HPSE2: variants seen among roughly 807,000 people sequenced by gnomAD.
HPSE2 encodes heparanase 2 (inactive).
A neutral mutation model predicts 60.5 loss-of-function variants in HPSE2; 38 were observed. That is an observed-to-expected ratio of 0.63 (90% CI 0.48 to 0.82). The LOEUF is 0.82. Ranked by LOEUF, HPSE2 falls within the 40% of genes least tolerant of loss-of-function variation. The pLI is 0.00. For missense variants in HPSE2, 713 were observed against 740.4 expected, an observed-to-expected ratio of 0.96 and a Z score of 0.43; for synonymous variants, 295 against 293.2, an observed-to-expected ratio of 1.01 and a Z score of -0.06.
chr10:98,459,181 G>A lies in HPSE2; in HGVS notation c.*393C>T. The A allele has an allele frequency of 4.2e-6, 1 of 240,304 alleles. No homozygotes were observed. The highest frequency in any genetic ancestry group is 1.0e-4 in the East Asian group (1 of 10,046). 14.9% of individuals were successfully genotyped at this position (240,304 alleles called of 1,614,324 possible). ...TTTCCTTCCTCATCTTCCTCTGAGG[G>A]CAGCAGCAGCAGCAGGCTAAGGTTT... On this transcript the variant is annotated 3_prime_UTR_variant, in exon 12 of 12. Transcript: ENST00000370552.
At chr10:98,630,377 T>C (rs975903355) in intron 7 of HPSE2, among the ~76,000 whole-genome samples, 1 of 151,984 alleles carries the variant, frequency 6.6e-6, no homozygotes, top group African/African-American at 2.4e-5. Context: ...TTTTGTATTT[T>C]TAGTAGAGAC....
intron 3 of HPSE2, among the ~76,000 whole-genome samples, chr10:99,114,154 A>T (rs1020100670): frequency 6.6e-6 from 1 of 152,242 alleles, no homozygotes; most frequent in African/African-American, 2.4e-5. Context: ...GGTTATTAGC[A>T]AAACTTCCCC....
the HPSE2 span, among the ~76,000 whole-genome samples, chr10:99,252,015 C>T: frequency 2.3e-4 from 35 of 152,046 alleles, no homozygotes; most frequent in Non-Finnish European, 4.0e-4. Flanking sequence ...GCCTGGGAAA[C>T]AGAGTGAGAC....
chr10:98,491,691 A>G (rs987276153), intron 9 of HPSE2, among the ~76,000 whole-genome samples: 5 of 152,206 alleles, frequency 3.3e-5, no homozygotes, highest in Non-Finnish European at 5.9e-5. Context: ...TATTTTACAG[A>G]TATGAGAATG....
chr10:98,685,584 T>C (rs1947894264), intron 6 of HPSE2, among the ~76,000 whole-genome samples: 1 of 152,216 alleles, frequency 6.6e-6, no homozygotes, highest in Non-Finnish European at 1.5e-5. Context: ...CATTAGTTTA[T>C]TTCTTTATCT....
chr10:99,158,696 T>C (rs983359864), intron 2 of HPSE2, among the ~76,000 whole-genome samples: 2 of 149,268 alleles, frequency 1.3e-5, no homozygotes, highest in African/African-American at 4.9e-5. Context: ...TGTATACATA[T>C]GTAACTAACC....
At chr10:98,732,616 G>A (rs141457061) in intron 4 of HPSE2, among the ~76,000 whole-genome samples, 2,206 of 151,950 alleles carry the variant, frequency 0.015, 57 homozygotes, top group African/African-American at 0.05. Context: ...ACTTCACAAC[G>A]TTCACAAAAA....
intron 3 of HPSE2, among the ~76,000 whole-genome samples, chr10:98,766,829 A>G (rs1486423558): frequency 2.6e-5 from 4 of 151,916 alleles, no homozygotes; most frequent in East Asian, 3.9e-4. Flanking sequence ...GGAGACTGAG[A>G]TGGGAGGATC....
intron 2 of HPSE2, 91 bp downstream of exon 2, chr10:99,232,249 ACACACACG>A (rs1849676661): frequency 7.3e-7 from 1 of 1,362,038 alleles, no homozygotes; most frequent in African/African-American, 1.5e-5. Flanking sequence ...ACACACACAC[ACACACACG>A]AACACACAGA....
chr10:99,026,496 G>GGA (rs1175728506), intron 3 of HPSE2, among the ~76,000 whole-genome samples: 1 of 151,836 alleles, frequency 6.6e-6, no homozygotes, highest in East Asian at 1.9e-4. Context: ...AGAGGTAAAG[G>GGA]GAGAGAGAGT....
chr10:98,734,362 T>C (rs1048357969), intron 4 of HPSE2, among the ~76,000 whole-genome samples: 2 of 152,224 alleles, frequency 1.3e-5, no homozygotes, highest in African/African-American at 4.8e-5. Context: ...CTCTTGGATA[T>C]ATATCTAGAA....
intron 6 of HPSE2, among the ~76,000 whole-genome samples, chr10:98,683,817 A>C (rs748871937): frequency 3.9e-5 from 6 of 152,074 alleles, no homozygotes; most frequent in African/African-American, 1.2e-4. Context: ...TCAGATTGAC[A>C]GGGTCTAACC....
chr10:98,959,904 T>G (rs919908211), intron 3 of HPSE2, among the ~76,000 whole-genome samples: 8 of 152,158 alleles, frequency 5.3e-5, no homozygotes, highest in Admixed American at 5.2e-4. Flanking sequence ...TTCTCCTTTT[T>G]CTATTGCTAC....
chr10:98,698,867 A>C (rs183975052), intron 5 of HPSE2, among the ~76,000 whole-genome samples: 2,263 of 152,352 alleles, frequency 0.015, 26 homozygotes, highest in African/African-American at 0.029. Flanking sequence ...AAACACCTCT[A>C]CACAAATAAA....
chr10:99,178,931 T>C (rs1229604794), intron 2 of HPSE2, among the ~76,000 whole-genome samples: 1 of 152,214 alleles, frequency 6.6e-6, no homozygotes, highest in African/African-American at 2.4e-5. Context: ...ACGATCAAGT[T>C]GGCTTCATCC....
chr10:98,530,315 AGCATGCATAAAG>A (rs1943091930), intron 9 of HPSE2, among the ~76,000 whole-genome samples: 1 of 152,200 alleles, frequency 6.6e-6, no homozygotes, highest in African/African-American at 2.4e-5. Context: ...CTCAAACTTT[AGCATGCATAAAG>A]GATCACCCAG....
chr10:99,078,431 T>G (rs1275623393), intron 3 of HPSE2, among the ~76,000 whole-genome samples: 1 of 152,182 alleles, frequency 6.6e-6, no homozygotes, highest in Non-Finnish European at 1.5e-5. Context: ...AAATCATCTC[T>G]AGATTACTTA....
rs955406510 is a variant in HPSE2, at chr10:98,482,528, T to G, written c.1613+108A>C. The G allele has an allele frequency of 2.5e-5, 34 of 1,373,540 alleles. No individual in the cohort carries two copies. The South Asian group carries it at 2.7e-4, about 11-fold the overall frequency. 85.1% of individuals were successfully genotyped at this position (1,373,540 alleles called of 1,614,324 possible). A position where few individuals can be genotyped will look rare whatever the true frequency, so the allele number is the denominator to read the frequency against. ...CCAGACCGCTCTTTGTCCTACTCCA[T>G]CCCACTGAGCCCTTGAGAGAATTAG... On this transcript the variant is annotated intron_variant, in intron 11 of 11. Transcript: ENST00000370552.
chr10:99,148,856 T>C (rs1846156021), intron 2 of HPSE2, among the ~76,000 whole-genome samples: 1 of 151,980 alleles, frequency 6.6e-6, no homozygotes, highest in Non-Finnish European at 1.5e-5. Context: ...CAATGGACTT[T>C]GGGGACTCAG....
Sources: allele counts gnomAD v4.1 joint callset (sites outside exome capture counted in the v4.1 genomes callset), GRCh38; gene constraint gnomAD v4.1.1; transcripts MANE v1.5; gene names NCBI Gene and HGNC (gene_info 2026-07-23, HGNC 2026-07-21).